RSPH1: variants seen among roughly 807,000 people sequenced by gnomAD.
RSPH1 encodes the protein radial spoke head component 1, also known as radial spoke head 1 homolog.
Under a neutral mutation model 44.2 loss-of-function variants are expected in RSPH1, and 32 were observed. That is an observed-to-expected ratio of 0.72 (90% CI 0.55 to 0.97). RSPH1 has a LOEUF of 0.97. Ranked by LOEUF, RSPH1 falls within the 50% of genes least tolerant of loss-of-function variation. RSPH1 has a pLI of 0.00. For synonymous variants in RSPH1, 134 were observed against 147.3 expected (o/e 0.91, Z 0.65); for missense variants, 391 against 398.7 (o/e 0.98, Z 0.16).
At chr21:42,480,666 A>AC (rs2054118063) in intron 6 of RSPH1, among the ~76,000 whole-genome samples, 1 of 149,098 alleles carries the variant, frequency 6.7e-6, no homozygotes, top group Admixed American at 6.6e-5. Context: ...AAAAAAAAAA[A>AC]CCTGTCTGGA....
chr21:42,489,265 C>CTGGTTGGT (rs746532824), intron 3 of RSPH1, among the ~76,000 whole-genome samples: 2 of 130,944 alleles, frequency 1.5e-5, no homozygotes, highest in Admixed American at 7.6e-5. Flanking sequence ...GGCTGGTTGG[C>CTGGTTGGT]TGGTTGGTTG....
chr21:42,484,280 T>C (rs919218673), intron 5 of RSPH1, among the ~76,000 whole-genome samples: 1 of 152,242 alleles, frequency 6.6e-6, no homozygotes, highest in Non-Finnish European at 1.5e-5. Flanking sequence ...CATATTCTAT[T>C]GGCAAGAGTA....
At chr21:42,482,938 T>G (rs2146652149) in intron 5 of RSPH1, among the ~76,000 whole-genome samples, 1 of 152,354 alleles carries the variant, frequency 6.6e-6, no homozygotes, top group East Asian at 1.9e-4. Flanking sequence ...AGTGATGTAT[T>G]CATTTTCAGA....
chr21:42,476,308 C>T lies in RSPH1; in HGVS notation c.728-261G>A, dbSNP rs569835977. On this transcript the variant is annotated intron_variant, in intron 7 of 8. Coordinates refer to ENST00000291536, the MANE Select transcript of RSPH1 (RefSeq NM_080860.4). ...CATTCCTGAGGGTGTTGATGAGACT[C>T]TTGAGAAAGAGAAGTCCCCTGGGGT... Among the ~76,000 whole-genome samples the T allele has an allele frequency of 5.6e-3, 850 of 152,130 alleles. 8 individuals are homozygous for T. Among genetic ancestry groups the T allele is most frequent in the African/African-American group, 0.019 (785 of 41,486 alleles).
rs1568958896 is a variant in RSPH1, at chr21:42,477,100, GCCCCCTCC to G, written c.727+183_727+190del. On this transcript the variant is annotated intron_variant, in intron 7 of 8. Transcript: ENST00000291536. Reference sequence around the variant, plus strand: ...AGCCCGGGGATGCCCCACACCCTCTGCCCCCTCCACTCCACAGCCCGGGGATGCCCCAC... The same window carrying G: ...AGCCCGGGGATGCCCCACACCCTCTGACTCCACAGCCCGGGGATGCCCCAC... 5.5e-4 allele frequency among the ~76,000 whole-genome samples: 77 copies of G among 138,940 alleles called. 14 individuals are homozygous for G. The highest frequency in any genetic ancestry group is 1.5e-3 in the African/African-American group (55 of 36,704). The allele number at this position is 138,940 out of a possible 152,430, so 91.2% of individuals were successfully genotyped here. A position where few individuals can be genotyped will look rare whatever the true frequency, so the allele number is the denominator to read the frequency against.
chr21:42,487,581 T>C (rs1325054160), intron 3 of RSPH1, among the ~76,000 whole-genome samples: 2 of 152,252 alleles, frequency 1.3e-5, no homozygotes, highest in African/African-American at 4.8e-5. Flanking sequence ...GCTACTTAGA[T>C]TCTGTGATGT....
intron 3 of RSPH1, 104 bp downstream of exon 3, chr21:42,492,654 G>A (rs2054247403): frequency 5.8e-6 from 4 of 688,152 alleles, no homozygotes; most frequent in Admixed American, 2.4e-5. Context: ...AGTAACTGGA[G>A]AACTTTAAGC....
intron 1 of RSPH1, 45 bp downstream of exon 1, chr21:42,496,088 G>A: frequency 6.2e-7 from 1 of 1,610,896 alleles, no homozygotes; most frequent in Non-Finnish European, 8.5e-7. Context: ...AGGTTCCCCC[G>A]CCGCTGCGCA....
chr21:42,489,322 C>CAGTTGGTTGGTT (rs2054213040), intron 3 of RSPH1, among the ~76,000 whole-genome samples: 1 of 142,416 alleles, frequency 7.0e-6, no homozygotes, highest in South Asian at 2.3e-4. Context: ...GTTGGTTAGA[C>CAGTTGGTTGGTT]AGTTGGTTGG....
At chr21:42,495,578 C>G (rs911076311) in intron 1 of RSPH1, among the ~76,000 whole-genome samples, 3 of 152,212 alleles carry the variant, frequency 2.0e-5, no homozygotes, top group Non-Finnish European at 4.4e-5. Context: ...ACTCCAAAGA[C>G]CTGGGTCAGT....
intron 1 of RSPH1, among the ~76,000 whole-genome samples, chr21:42,495,844 C>T (rs1454413807): frequency 6.6e-6 from 1 of 152,178 alleles, no homozygotes; most frequent in East Asian, 1.9e-4. Flanking sequence ...GAGGAGGAAA[C>T]TTCCAAAGCC....
chr21:42,472,981 C>T (rs2054008261), intron 8 of RSPH1, 111 bp from the exon 9 acceptor site: 1 of 696,350 alleles, frequency 1.4e-6, no homozygotes. Flanking sequence ...AACTATTAAG[C>T]ATTCATCAGT....
intron 3 of RSPH1, among the ~76,000 whole-genome samples, chr21:42,488,257 GC>G (rs1439168942): frequency 6.6e-6 from 1 of 152,172 alleles, no homozygotes; most frequent in East Asian, 1.9e-4. Context: ...ATGAGGATGT[GC>G]AAATACCTAG....
intron 1 of RSPH1, among the ~76,000 whole-genome samples, chr21:42,493,967 G>C (rs995831860): frequency 2.6e-5 from 4 of 152,190 alleles, no homozygotes; most frequent in African/African-American, 9.7e-5. Flanking sequence ...GCCCTGGCTG[G>C]TCTCAAAGTC....
At position 42,475,588 on chromosome 21, in the gene RSPH1, G is replaced by A. The variant is rs114954017; in HGVS notation, c.877+310C>T. Among the ~76,000 whole-genome samples the A allele has an allele frequency of 0.2, 28,282 of 143,160 alleles. 3,221 individuals carry two copies. Among genetic ancestry groups the A allele is most frequent in the African/African-American group, 0.25 (9,462 of 38,140 alleles). The allele number at this position is 143,160 out of a possible 152,430, so 93.9% of individuals were successfully genotyped here. The stretch of plus-strand genomic sequence containing the variant: ...ATCTCAAAAAAAAAAAAAAAATCAT[G>A]CAACAGAAGAAAGCCAGGCTCTGCA... On this transcript the variant is annotated intron_variant, in intron 8 of 8. Transcript: ENST00000291536.
At chr21:42,490,640 C>CA (rs1396619092) in intron 3 of RSPH1, among the ~76,000 whole-genome samples, 1 of 152,154 alleles carries the variant, frequency 6.6e-6, no homozygotes, top group Non-Finnish European at 1.5e-5. Context: ...GTTAGTGTGG[C>CA]ATAATAAGAA....
chr21:42,485,516 A>G (rs1299579664), intron 5 of RSPH1, 153 bp downstream of exon 5: 4 of 816,676 alleles, frequency 4.9e-6, no homozygotes, highest in Non-Finnish European at 7.7e-6. Flanking sequence ...CCAGAGGCTC[A>G]GAGAATGGCA....
At position 42,472,700 on chromosome 21, in the gene RSPH1, C is replaced by T. The variant is rs2054004096; in HGVS notation, c.*118G>A. The T allele has an allele frequency of 1.1e-5, 8 of 746,088 alleles. No homozygotes were observed. Among genetic ancestry groups the T allele is most frequent in the Non-Finnish European group, 1.8e-5 (8 of 448,210 alleles). The allele number at this position is 746,088 out of a possible 1,614,324, so 46.2% of individuals were successfully genotyped here. ...CTCACTGCAACTGCCACTTTCTGGA[C>T]TCAAGCAATCCTCCTGCCTCAGCCT... On this transcript the variant is annotated 3_prime_UTR_variant, in exon 9 of 9. Coordinates refer to ENST00000291536, the MANE Select transcript of RSPH1 (RefSeq NM_080860.4).
chr21:42,477,337 CT>C lies in RSPH1; in HGVS notation c.680del (p.Lys227SerfsTer38). Reference protein sequence around the residue: ...LALWTPTLPKKPTSTDGPGQD... With the variant: ...LALWTPTLPKXPTSTDGPGQD... The stretch of plus-strand genomic sequence containing the variant: ...GGCCAGGTCCATCCGTAGAGGTCGG[CT>C]TTTTGGGGAGAGTTGGTGTCCACAG... On this transcript the variant is annotated frameshift_variant, in exon 7 of 9. Transcript: ENST00000291536. LOFTEE classifies it high-confidence loss of function. 2 of 1,610,910 alleles carry C rather than the reference CT, an allele frequency of 1.2e-6. No individual in the cohort carries two copies. Among genetic ancestry groups the C allele is most frequent in the Non-Finnish European group, 1.7e-6 (2 of 1,178,752 alleles).
Sources: allele counts gnomAD v4.1 joint callset (sites outside exome capture counted in the v4.1 genomes callset), GRCh38; gene constraint gnomAD v4.1.1; transcripts MANE v1.5; gene names NCBI Gene and HGNC (gene_info 2026-07-23, HGNC 2026-07-21).